Variants in NECTIN2 observed in about 807,000 individuals in gnomAD.
NECTIN2 encodes the protein nectin cell adhesion molecule 2, also known as nectin-2.
Under a neutral mutation model 56.9 loss-of-function variants are expected in NECTIN2, and 23 were observed. The observed-to-expected ratio is 0.40, with a 90% CI of 0.29 to 0.57. The LOEUF (loss-of-function observed/expected upper bound fraction) is 0.57, where lower values mean the gene tolerates loss of function less well. NECTIN2 is among the 20% of genes least tolerant of loss of function. The pLI is 0.38. For synonymous variants in NECTIN2, 302 were observed against 313.8 expected, an observed-to-expected ratio of 0.96 and a Z score of 0.40; for missense variants, 587 against 718.3, an observed-to-expected ratio of 0.82 and a Z score of 2.09.
At chr19:44,879,527 T>TA (rs1307197281) in intron 5 of NECTIN2, among the ~76,000 whole-genome samples, 7 of 151,938 alleles carry the variant, frequency 4.6e-5, no homozygotes, top group Admixed American at 2.6e-4. Context: ...GTGGCTCCCC[T>TA]CCTTCTCCAT....
In NECTIN2 at chr19:44,885,920, T is replaced by A. The variant is rs763009286; in HGVS notation, c.1197-17T>A. The A allele has an allele frequency of 6.4e-7, 1 of 1,553,930 alleles. No homozygotes were observed. Among genetic ancestry groups the A allele is most frequent in the South Asian group, 1.1e-5 (1 of 89,782 alleles). On this transcript the variant is annotated splice_polypyrimidine_tract_variant and intron_variant, in intron 6 of 8. Coordinates refer to ENST00000252483, the MANE Select transcript of NECTIN2 (RefSeq NM_001042724.2). Reference sequence around the variant, plus strand: ...CCTGGGTCTTAATCTCCACTTGTCCTACCTCCTACCCCACAGCCTGGAGGG... The same window carrying A: ...CCTGGGTCTTAATCTCCACTTGTCCAACCTCCTACCCCACAGCCTGGAGGG...
At chr19:44,859,015 C>T (rs532249412) in intron 1 of NECTIN2, among the ~76,000 whole-genome samples, 42 of 152,330 alleles carry the variant, frequency 2.8e-4, no homozygotes, top group African/African-American at 7.9e-4. Context: ...GATCCTCGGC[C>T]TGTCCCCACC....
chr19:44,865,514 G>C lies in NECTIN2; in HGVS notation c.332G>C (p.Ser111Thr). The change falls in exon 2 of 9, where the codon AGC becomes ACC. Residue 111 changes from serine (S) to threonine (T), a missense_variant. By Grantham distance (58) the Ser-to-Thr change is moderately conservative. Transcript: ENST00000252483. The surrounding 1 kb of genome is among the most constrained non-coding windows in gnomAD (Gnocchi z 5.2). Reference protein sequence around the residue: ...ERLSFVSAKQSTGQDTEAELQ... With the variant: ...ERLSFVSAKQTTGQDTEAELQ... ...CTGTCCTTCGTCTCTGCCAAGCAGA[G>C]CACTGGGCAAGACACAGAGGCAGAG... is the stretch of plus-strand genomic sequence containing the variant. 1 of 1,597,184 alleles carries C rather than the reference G, an allele frequency of 6.3e-7. No homozygotes were observed. The highest frequency in any genetic ancestry group is 8.5e-7 in the Non-Finnish European group (1 of 1,172,520).
intron 8 of NECTIN2, among the ~76,000 whole-genome samples, chr19:44,886,459 G>A (rs1190186734): frequency 6.6e-6 from 1 of 152,182 alleles, no homozygotes; most frequent in African/African-American, 2.4e-5. Context: ...GGTGGCTCAC[G>A]CCTATAATCC....
chr19:44,882,141 G>C lies in NECTIN2; in HGVS notation c.1043-70G>C, dbSNP rs1969314595. The C allele has an allele frequency of 2.3e-6, 3 of 1,311,798 alleles. No individual in the cohort carries two copies. The Admixed American group carries it at 9.5e-5, about 42-fold the overall frequency. 81.3% of individuals were successfully genotyped at this position (1,311,798 alleles called of 1,614,324 possible). A position where few individuals can be genotyped will look rare whatever the true frequency, so the allele number is the denominator to read the frequency against. On this transcript the variant is annotated intron_variant, in intron 5 of 8. Transcript: ENST00000252483. ...ACAGGCAGGCGATGATGTGGGGTGG[G>C]ATGGTCGCTTGGAATAAGGAGCTGT...
intron 1 of NECTIN2, among the ~76,000 whole-genome samples, chr19:44,855,971 CCTCT>C (rs2079807615): frequency 6.6e-6 from 1 of 152,166 alleles, no homozygotes; most frequent in Non-Finnish European, 1.5e-5. Context: ...CTGATCCCTC[CCTCT>C]CTCCCTACTA....
chr19:44,862,859 TAAA>T (rs1480089159), intron 1 of NECTIN2, among the ~76,000 whole-genome samples: 2 of 151,322 alleles, frequency 1.3e-5, no homozygotes, highest in Non-Finnish European at 2.9e-5. Context: ...TTAAAAATAT[TAAA>T]AAATTGGCCG....
intron 3 of NECTIN2, among the ~76,000 whole-genome samples, chr19:44,872,893 T>C (rs1417530275): frequency 6.8e-6 from 1 of 148,026 alleles, no homozygotes; most frequent in Non-Finnish European, 1.5e-5. Flanking sequence ...TTATTTATTA[T>C]TGTTATTTAA....
rs377257667 is a variant in NECTIN2 at position 44,888,150 on chromosome 19, G to T, written c.1388G>T (p.Arg463Leu). 6.2e-7 allele frequency: 1 copy of T among 1,613,940 alleles called. No homozygotes were observed. The highest frequency in any genetic ancestry group is 1.3e-5 in the African/African-American group (1 of 74,914). The change falls in exon 9 of 9, where the codon CGG becomes CTG. Residue 463 changes from arginine (R) to leucine (L), a missense_variant. By Grantham distance (102) the Arg-to-Leu change is moderately radical. Coordinates refer to ENST00000252483, the MANE Select transcript of NECTIN2 (RefSeq NM_001042724.2). ...CATGAGCTGCCCACCTTGGAAGAAC[G>T]GTCAGGACCCTTGCACCCTGGAGCC... ...RYHELPTLEE[R>L]SGPLHPGATS... is the part of the protein sequence containing the mutation.
chr19:44,858,593 G>A (rs1968996921), intron 1 of NECTIN2, among the ~76,000 whole-genome samples: 1 of 151,932 alleles, frequency 6.6e-6, no homozygotes. Flanking sequence ...CAAAGTGCTG[G>A]GATTACAGGC....
intron 1 of NECTIN2, among the ~76,000 whole-genome samples, chr19:44,846,863 C>G (rs1213138968): frequency 1.3e-5 from 2 of 151,906 alleles, no homozygotes; most frequent in Admixed American, 6.6e-5. Context: ...GCCCATCCTA[C>G]GCCTGCTTGT....
At chr19:44,866,413 A>G (rs2058442191) in intron 2 of NECTIN2, among the ~76,000 whole-genome samples, 1 of 152,018 alleles carries the variant, frequency 6.6e-6, no homozygotes, top group Non-Finnish European at 1.5e-5. Flanking sequence ...TCTAATAAAT[A>G]AATAAAAGAG....
In NECTIN2 at chr19:44,874,179, G is replaced by A; in HGVS notation, c.893+146G>A. ...GGGCCTAAATTCCTAAGTCCTCCAG[G>A]ATGAAGGGAGCTTGCATTTTGGCAA... On this transcript the variant is annotated intron_variant, in intron 4 of 8. Coordinates refer to ENST00000252483, the MANE Select transcript of NECTIN2 (RefSeq NM_001042724.2). The surrounding 1 kb of genome is among the most constrained non-coding windows in gnomAD (Gnocchi z 6.3). 1 of 1,244,872 alleles carries A rather than the reference G, an allele frequency of 8.0e-7. No homozygotes were observed. The highest frequency in any genetic ancestry group is 1.4e-5 in the South Asian group (1 of 73,776). The allele number at this position is 1,244,872 out of a possible 1,614,324, so 77.1% of individuals were successfully genotyped here. A position where few individuals can be genotyped will look rare whatever the true frequency, so the allele number is the denominator to read the frequency against.
chr19:44,864,776 C>T (rs1005168359), intron 1 of NECTIN2, among the ~76,000 whole-genome samples: 3 of 151,734 alleles, frequency 2.0e-5, no homozygotes, highest in East Asian at 1.9e-4. Flanking sequence ...TGCAGTGAGC[C>T]GAGATCGCGC....
In NECTIN2 at chr19:44,888,120, G is replaced by A. The variant is rs200219163; in HGVS notation, c.1358G>A (p.Arg453Gln). The change falls in exon 9 of 9, where the codon CGA becomes CAA. Residue 453 changes from arginine to glutamine, a missense_variant. Coordinates refer to ENST00000252483, the MANE Select transcript of NECTIN2 (RefSeq NM_001042724.2). ...GASCTEQEMPRYHELPTLEER... is the reference protein window; with the variant it reads ...GASCTEQEMPQYHELPTLEER... ...TCTCTCTACCTCCAGGAAATGCCTC[G>A]ATACCATGAGCTGCCCACCTTGGAA... The A allele has an allele frequency of 2.4e-5, 39 of 1,611,756 alleles. No individual in the cohort carries two copies. The highest frequency in any genetic ancestry group is 9.3e-5 in the African/African-American group (7 of 74,964).
rs149616934 is a variant in NECTIN2 at position 44,857,265 on chromosome 19, C to T, written c.89-8006C>T. 4.6e-3 allele frequency among the ~76,000 whole-genome samples: 658 copies of T among 142,128 alleles called. 1 individual carries two copies. Among genetic ancestry groups the T allele is most frequent in the African/African-American group, 0.017 (631 of 37,488 alleles). 93.2% of individuals were successfully genotyped at this position (142,128 alleles called of 152,430 possible). A position where few individuals can be genotyped will look rare whatever the true frequency, so the allele number is the denominator to read the frequency against. On this transcript the variant is annotated intron_variant, in intron 1 of 8. Transcript: ENST00000252483. ...TTTTTTTTTTTTTGAGACAGGGTCTCACCCTGTCACTCAGTCTGGAGTGCA... is the reference window on the plus strand; with the variant it reads ...TTTTTTTTTTTTTGAGACAGGGTCTTACCCTGTCACTCAGTCTGGAGTGCA...
intron 2 of NECTIN2, among the ~76,000 whole-genome samples, chr19:44,870,273 G>A (rs924685119): frequency 7.9e-5 from 12 of 152,120 alleles, no homozygotes; most frequent in African/African-American, 9.7e-5. Context: ...TGGTGGGCTC[G>A]GGCCCTGAGT....
intron 6 of NECTIN2, among the ~76,000 whole-genome samples, chr19:44,884,974 C>CT (rs990781127): frequency 1.6e-4 from 25 of 151,916 alleles, no homozygotes; most frequent in Middle Eastern, 3.2e-3. Context: ...CCAGATCTTT[C>CT]TTTTTTTTCT....
intron 2 of NECTIN2, among the ~76,000 whole-genome samples, chr19:44,871,383 C>T (rs1441117774): frequency 6.6e-6 from 1 of 152,062 alleles, no homozygotes; most frequent in African/African-American, 2.4e-5. Context: ...TAAAAATTAG[C>T]CGGGCATGGT....
Sources: allele counts gnomAD v4.1 joint callset (sites outside exome capture counted in the v4.1 genomes callset), GRCh38; gene constraint gnomAD v4.1.1; non-coding constraint Gnocchi (gnomAD v3.1); transcripts MANE v1.5; gene names NCBI Gene and HGNC (gene_info 2026-07-23, HGNC 2026-07-21).